Variants in PCDH15 observed in about 807,000 individuals in gnomAD.
PCDH15 encodes the protein protocadherin-15.
A neutral mutation model predicts 178.5 loss-of-function variants in PCDH15; 129 were observed. The observed-to-expected ratio is 0.72, with a 90% confidence interval of 0.63 to 0.84. The LOEUF (loss-of-function observed/expected upper bound fraction) is 0.84, where lower values mean the gene tolerates loss of function less well. Among genes scored for constraint, PCDH15 ranks in the 40% least tolerant of loss-of-function variants. The pLI is 0.00. For missense variants in PCDH15, 2,230 were observed against 2,099.9 expected (o/e 1.06, Z -1.21); for synonymous variants, 800 against 732.0 (o/e 1.09, Z -1.50).
intron 5 of PCDH15, among the ~76,000 whole-genome samples, chr10:54,353,596 G>T (rs983810640): frequency 1.6e-4 from 25 of 152,120 alleles, no homozygotes; most frequent in Non-Finnish European, 3.2e-4. Context: ...GCCTGTTCTT[G>T]GACTTCAATA....
In PCDH15 at chr10:53,804,464, T is replaced by A. The variant is rs1589051732; in HGVS notation, c.*2115A>T. Reference sequence around the variant, plus strand: ...CTTAAGCTTCATGATTTTTCAACATTAAGAAAACAAACAAAAAACACAAAC... The same window carrying A: ...CTTAAGCTTCATGATTTTTCAACATAAAGAAAACAAACAAAAAACACAAAC... On this transcript the variant is annotated 3_prime_UTR_variant, in exon 38 of 38. Transcript: ENST00000644397. 3 of 151,840 alleles carry A rather than the reference T, an allele frequency of 2.0e-5. No individual in the cohort carries two copies. The South Asian group carries it at 6.2e-4, about 32-fold the overall frequency. 9.4% of individuals were successfully genotyped at this position (151,840 alleles called of 1,614,324 possible).
intron 8 of PCDH15, among the ~76,000 whole-genome samples, chr10:54,275,698 A>T (rs2058315512): frequency 6.6e-6 from 1 of 151,730 alleles, no homozygotes; most frequent in African/African-American, 2.4e-5. Context: ...TACTAATTTG[A>T]AGAGGATAAA....
intron 7 of PCDH15, among the ~76,000 whole-genome samples, chr10:54,327,235 C>A (rs1938327593): frequency 6.6e-6 from 1 of 151,950 alleles, no homozygotes; most frequent in Non-Finnish European, 1.5e-5. Flanking sequence ...AATCTGACTT[C>A]ATAAAAAAGA....
At chr10:55,298,010 A>G (rs968082396) in intron 1 of PCDH15, among the ~76,000 whole-genome samples, 1 of 152,108 alleles carries the variant, frequency 6.6e-6, no homozygotes, top group African/African-American at 2.4e-5. Context: ...AAAGAAATGA[A>G]TGAATTTGCT....
intron 17 of PCDH15, among the ~76,000 whole-genome samples, chr10:54,073,952 C>A (rs1270444479): frequency 6.6e-6 from 1 of 152,174 alleles, no homozygotes; most frequent in Non-Finnish European, 1.5e-5. Flanking sequence ...AAAAGGAAAT[C>A]TGCTAGATGG....
chr10:55,425,172 T>C (rs1838721506), intron 2 of PCDH15, among the ~76,000 whole-genome samples: 2 of 151,820 alleles, frequency 1.3e-5, no homozygotes, highest in African/African-American at 4.8e-5. Flanking sequence ...AATTATATAA[T>C]AGAACTAAAC....
intron 3 of PCDH15, among the ~76,000 whole-genome samples, chr10:54,878,606 T>C (rs1304437655): frequency 1.3e-5 from 2 of 152,182 alleles, no homozygotes; most frequent in Non-Finnish European, 2.9e-5. Context: ...ATGGATATGA[T>C]AATGGCACTT....
intron 2 of PCDH15, among the ~76,000 whole-genome samples, chr10:55,388,234 C>T (rs572965403): frequency 2.4e-4 from 37 of 152,150 alleles, no homozygotes; most frequent in Admixed American, 4.6e-4. Context: ...ATTGGGACTT[C>T]TTCCCCATAT....
intron 8 of PCDH15, among the ~76,000 whole-genome samples, chr10:54,246,389 TA>T (rs2055926879): frequency 6.6e-6 from 1 of 151,906 alleles, no homozygotes; most frequent in Non-Finnish European, 1.5e-5. Flanking sequence ...TTACCTGTTT[TA>T]AATTTTCTAT....
intron 2 of PCDH15, among the ~76,000 whole-genome samples, chr10:55,066,487 C>G (rs768156426): frequency 2.7e-5 from 4 of 149,840 alleles, no homozygotes; most frequent in Non-Finnish European, 4.5e-5. Context: ...GTTCCTTTCT[C>G]TCAAAACTAT....
At chr10:55,023,351 G>T (rs1177165414) in intron 2 of PCDH15, among the ~76,000 whole-genome samples, 1 of 152,138 alleles carries the variant, frequency 6.6e-6, no homozygotes, top group Non-Finnish European at 1.5e-5. Flanking sequence ...CAAACGCAGT[G>T]TAGATAAAAT....
At chr10:54,894,534 A>G (rs1164638795) in intron 3 of PCDH15, among the ~76,000 whole-genome samples, 2 of 152,180 alleles carry the variant, frequency 1.3e-5, no homozygotes, top group East Asian at 3.9e-4. Flanking sequence ...GATTGACCTG[A>G]AAGTTGAACT....
intron 5 of PCDH15, among the ~76,000 whole-genome samples, chr10:54,353,487 A>G (rs150940175): frequency 2.6e-4 from 39 of 152,168 alleles, no homozygotes; most frequent in South Asian, 1.4e-3. Context: ...CACAAAAAAT[A>G]TAATATTTTT....
intron 13 of PCDH15, among the ~76,000 whole-genome samples, chr10:54,162,180 T>A (rs1408357063): frequency 6.7e-6 from 1 of 150,122 alleles, no homozygotes; most frequent in Non-Finnish European, 1.5e-5. Flanking sequence ...TGAGTAACTT[T>A]CTTCCTTCTT....
intron 2 of PCDH15, among the ~76,000 whole-genome samples, chr10:55,358,993 A>G (rs1845150398): frequency 6.6e-6 from 1 of 152,066 alleles, no homozygotes; most frequent in African/African-American, 2.4e-5. Context: ...GGACTTCAAG[A>G]CCAGCCTGAG....
At chr10:54,968,349 T>C (rs1317236175) in intron 2 of PCDH15, among the ~76,000 whole-genome samples, 3 of 152,202 alleles carry the variant, frequency 2.0e-5, no homozygotes, top group Non-Finnish European at 2.9e-5. Context: ...ACATGGTATA[T>C]AATTTCATAT....
At chr10:55,293,700 T>C (rs1273397378) in intron 1 of PCDH15, among the ~76,000 whole-genome samples, 4 of 152,048 alleles carry the variant, frequency 2.6e-5, no homozygotes, top group African/African-American at 9.7e-5. Context: ...ATAACAAGAG[T>C]TACCTTTGCT....
At chr10:55,539,821 CATA>C (rs1290230503) in intron 2 of PCDH15, among the ~76,000 whole-genome samples, 1 of 151,946 alleles carries the variant, frequency 6.6e-6, no homozygotes, top group Non-Finnish European at 1.5e-5. Flanking sequence ...TAATATGTTG[CATA>C]ATAAGAGAAA....
At chr10:54,844,879 G>C (rs1171768490) in intron 3 of PCDH15, among the ~76,000 whole-genome samples, 1 of 151,730 alleles carries the variant, frequency 6.6e-6, no homozygotes, top group African/African-American at 2.4e-5. Flanking sequence ...TTAAAAAAAC[G>C]TAGCCTTAAT....
Sources: gnomAD v4.1 joint callset for allele counts (sites outside exome capture counted in the v4.1 genomes callset) on GRCh38, gnomAD v4.1.1 for gene constraint, MANE v1.5 for transcripts, NCBI Gene and HGNC (gene_info 2026-07-23, HGNC 2026-07-21) for gene names.